PLCB1: variants seen among roughly 807,000 people sequenced by gnomAD.
PLCB1 encodes the protein phospholipase C beta 1, also known as 1-phosphatidylinositol 4,5-bisphosphate phosphodiesterase beta-1.
PLCB1 carries 46 observed loss-of-function variants against 161.8 expected under a neutral mutation model. The ratio of observed to expected loss-of-function variants is 0.28; its 90% CI spans 0.22 to 0.36. PLCB1 has a LOEUF of 0.36. PLCB1 is among the 10% of genes least tolerant of loss of function. PLCB1 has a pLI of 1.00. For missense variants in PLCB1, 1,016 were observed against 1,472.5 expected (o/e 0.69, Z 5.07); for synonymous variants, 517 against 503.7 (o/e 1.03, Z -0.35).
chr20:8,185,953 A>C (rs2051899761), intron 2 of PLCB1, among the ~76,000 whole-genome samples: 1 of 152,204 alleles, frequency 6.6e-6, no homozygotes, highest in African/African-American at 2.4e-5. Context: ...TTCTCCCTTG[A>C]AAACCTTTAA....
intron 3 of PLCB1, among the ~76,000 whole-genome samples, chr20:8,517,791 A>C (rs997692397): frequency 2.6e-5 from 4 of 152,182 alleles, no homozygotes; most frequent in African/African-American, 9.7e-5. Flanking sequence ...TTCTAAGGTT[A>C]TGCTTAAGTT....
intron 1 of PLCB1, among the ~76,000 whole-genome samples, chr20:8,147,381 A>G (rs2051463982): frequency 6.6e-6 from 1 of 152,194 alleles, no homozygotes; most frequent in East Asian, 1.9e-4. Flanking sequence ...TGTCTTCATC[A>G]TTCTACAGTC....
intron 27 of PLCB1, among the ~76,000 whole-genome samples, chr20:8,784,486 C>T (rs958629217): frequency 4.0e-5 from 6 of 151,768 alleles, no homozygotes; most frequent in African/African-American, 1.4e-4. Context: ...TCCCTTGAAT[C>T]CAGGAAGTGG....
chr20:8,377,498 C>T (rs1410914669), intron 3 of PLCB1, among the ~76,000 whole-genome samples: 1 of 152,098 alleles, frequency 6.6e-6, no homozygotes, highest in East Asian at 1.9e-4. Context: ...TGGGAGTAAA[C>T]TACAAAAGAG....
intron 3 of PLCB1, among the ~76,000 whole-genome samples, chr20:8,485,413 C>T (rs1982677100): frequency 6.6e-6 from 1 of 152,158 alleles, no homozygotes; most frequent in Non-Finnish European, 1.5e-5. Flanking sequence ...TTGTAAGCTG[C>T]CTAAAGGCAG....
chr20:8,872,049 T>C lies in PLCB1; in HGVS notation c.3424-9573T>C, dbSNP rs190983310. Among the ~76,000 whole-genome samples the C allele has an allele frequency of 2.6e-4, 40 of 152,312 alleles. No homozygotes were observed. In the East Asian group the frequency reaches 6.7e-3, roughly 26 times the overall value. ...AACCCTATGTGGAGAAAGAATCTTATCTATCCCAAAGTGAATTGTCTACTT... is the reference window on the plus strand; with the variant it reads ...AACCCTATGTGGAGAAAGAATCTTACCTATCCCAAAGTGAATTGTCTACTT... On this transcript the variant is annotated intron_variant, in intron 31 of 31. Coordinates refer to ENST00000338037, the MANE Select transcript of PLCB1 (RefSeq NM_015192.4).
intron 31 of PLCB1, among the ~76,000 whole-genome samples, chr20:8,839,227 C>T (rs1986404264): frequency 6.6e-6 from 1 of 152,168 alleles, no homozygotes; most frequent in South Asian, 2.1e-4. Context: ...TGGCGTGGGA[C>T]ATGTTGAGAT....
rs1989009843 is a variant in PLCB1 at position 8,643,162 on chromosome 20, T to TACTG, written c.385-2939_385-2936dup. On this transcript the variant is annotated intron_variant, in intron 4 of 31. Transcript: ENST00000338037. Reference sequence around the variant, plus strand: ...AGGTCTCAGTATTTCTCACCTGGACTACTGGACTATTACAGCTTCCTAACT... The same window carrying TACTG: ...AGGTCTCAGTATTTCTCACCTGGACTACTGACTGGACTATTACAGCTTCCTAACT... Among the ~76,000 whole-genome samples the TACTG allele has an allele frequency of 1.3e-5, 2 of 152,322 alleles. 1 individual carries two copies. The highest frequency in any genetic ancestry group is 4.1e-4 in the South Asian group (2 of 4,830).
chr20:8,660,044 C>G (rs1989580485), intron 9 of PLCB1, among the ~76,000 whole-genome samples: 1 of 149,634 alleles, frequency 6.7e-6, no homozygotes, highest in Non-Finnish European at 1.5e-5. Flanking sequence ...ATCTAAAAAT[C>G]TATTAATCAT....
chr20:8,266,845 C>A (rs140123168), intron 2 of PLCB1, among the ~76,000 whole-genome samples: 1 of 152,120 alleles, frequency 6.6e-6, no homozygotes, highest in Non-Finnish European at 1.5e-5. Context: ...TCGAGTCCAG[C>A]CTGGCCAACA....
chr20:8,455,188 C>T (rs1332057117), intron 3 of PLCB1, among the ~76,000 whole-genome samples: 1 of 151,548 alleles, frequency 6.6e-6, no homozygotes, highest in Non-Finnish European at 1.5e-5. Flanking sequence ...ATTAGCTGGG[C>T]GTGGTGGCAC....
At chr20:8,868,814 A>C (rs915008072) in intron 31 of PLCB1, among the ~76,000 whole-genome samples, 7 of 151,968 alleles carry the variant, frequency 4.6e-5, no homozygotes, top group Admixed American at 2.6e-4. Context: ...TTTTATTTTT[A>C]GTAGAGATGG....
intron 3 of PLCB1, among the ~76,000 whole-genome samples, chr20:8,515,433 A>G (rs1433873879): frequency 6.6e-6 from 1 of 152,188 alleles, no homozygotes; most frequent in Non-Finnish European, 1.5e-5. Flanking sequence ...CTCCTATCAC[A>G]TAGATGCTGT....
chr20:8,684,855 G>GAAA (rs61201694), intron 9 of PLCB1, 77 bp from the exon 10 acceptor site: 315 of 976,530 alleles, frequency 3.2e-4, no homozygotes, highest in South Asian at 4.7e-4. Context: ...GATATTTCTG[G>GAAA]AAAAAAAAAA....
At chr20:8,813,472 G>A (rs1354784978) in intron 31 of PLCB1, among the ~76,000 whole-genome samples, 1 of 152,032 alleles carries the variant, frequency 6.6e-6, no homozygotes, top group East Asian at 1.9e-4. Flanking sequence ...CACACTCAAA[G>A]AAGACCCAAC....
At chr20:8,634,759 T>C (rs1228525500) in intron 4 of PLCB1, among the ~76,000 whole-genome samples, 3 of 152,204 alleles carry the variant, frequency 2.0e-5, no homozygotes, top group African/African-American at 7.2e-5. Context: ...GGGCCTAGTA[T>C]GTGCCAAGCA....
Position 8,884,244 on chromosome 20 carries a change from T to C in PLCB1, c.*2395T>C, listed in dbSNP as rs1212276419. The C allele has an allele frequency of 6.6e-6, 1 of 152,608 alleles. No individual in the cohort carries two copies. Among genetic ancestry groups the C allele is most frequent in the East Asian group, 1.9e-4 (1 of 5,204 alleles). The allele number at this position is 152,608 out of a possible 1,614,324, so 9.5% of individuals were successfully genotyped here. On this transcript the variant is annotated 3_prime_UTR_variant, in exon 32 of 32. Transcript: ENST00000338037. ...TGAAACTACTACAATGATACTATCATTTAATAATATTAATATTACTTGAAA... is the reference window on the plus strand; with the variant it reads ...TGAAACTACTACAATGATACTATCACTTAATAATATTAATATTACTTGAAA...
intron 1 of PLCB1, among the ~76,000 whole-genome samples, chr20:8,148,129 T>C (rs1297792013): frequency 2.0e-5 from 3 of 152,164 alleles, no homozygotes; most frequent in Non-Finnish European, 2.9e-5. Flanking sequence ...AAAGATAAGT[T>C]ACACCTACAG....
At chr20:8,558,071 A>T (rs544243045) in intron 3 of PLCB1, among the ~76,000 whole-genome samples, 2 of 151,992 alleles carry the variant, frequency 1.3e-5, no homozygotes, top group East Asian at 3.9e-4. Context: ...GAGTACAAAA[A>T]CATAGGAAAA....
Sources: gnomAD v4.1 joint callset for allele counts (sites outside exome capture counted in the v4.1 genomes callset) on GRCh38, gnomAD v4.1.1 for gene constraint, MANE v1.5 for transcripts, NCBI Gene and HGNC (gene_info 2026-07-23, HGNC 2026-07-21) for gene names.